Variants in NAV2 observed in about 807,000 individuals in gnomAD.
NAV2 encodes the protein neuron navigator 2.
In NAV2, 54 loss-of-function variants were observed where a neutral mutation model predicts 223.2. That is an observed-to-expected ratio of 0.24 (90% CI 0.19 to 0.30). The LOEUF (loss-of-function observed/expected upper bound fraction) is 0.30. Among genes scored for constraint, NAV2 ranks in the 10% least tolerant of loss-of-function variants. The pLI, the probability that NAV2 is intolerant of heterozygous loss-of-function variation, is 1.00. For missense variants in NAV2, 2,806 were observed against 3,147.5 expected, an observed-to-expected ratio of 0.89 and a Z score of 2.60; for synonymous variants, 1,279 against 1,239.3, an observed-to-expected ratio of 1.03 and a Z score of -0.67.
At chr11:19,527,294 A>G (rs538188777) in intron 1 of NAV2, among the ~76,000 whole-genome samples, 34 of 152,192 alleles carry the variant, frequency 2.2e-4, no homozygotes, top group African/African-American at 7.9e-4. Context: ...GCCATGTAAG[A>G]TGTACCTTTT....
chr11:19,841,193 A>G (rs1055781541), intron 2 of NAV2, among the ~76,000 whole-genome samples: 1 of 152,212 alleles, frequency 6.6e-6, no homozygotes, highest in African/African-American at 2.4e-5. Context: ...CAGGTTCTAA[A>G]AAAAAGGTGT....
At chr11:19,738,881 C>G (rs968509454) in intron 1 of NAV2, among the ~76,000 whole-genome samples, 1 of 152,174 alleles carries the variant, frequency 6.6e-6, no homozygotes, top group African/African-American at 2.4e-5. Flanking sequence ...CTTCTGTCCC[C>G]TGGTTCACGT....
In NAV2 at chr11:19,759,532, A is replaced by G. The variant is rs58191490; in HGVS notation, c.267+45570A>G. Among the ~76,000 whole-genome samples the G allele has an allele frequency of 4.5e-3, 679 of 152,262 alleles. 19 individuals are homozygous for G. In the East Asian group the frequency reaches 0.082, roughly 18 times the overall value. ...AAAAAAACAAAAACCAAACAAATGC[A>G]CTTTTCCTGTCTTAGTAAACAGAAT... is the stretch of plus-strand genomic sequence containing the variant. On this transcript the variant is annotated intron_variant, in intron 1 of 37. Transcript: ENST00000349880.
At position 19,663,001 on chromosome 11, in the gene NAV2, G is replaced by A. The variant is rs535188740; in HGVS notation, c.76-169483G>A. Among the ~76,000 whole-genome samples the A allele has an allele frequency of 6.6e-5, 10 of 152,272 alleles. No individual in the cohort carries two copies. The South Asian group carries it at 1.7e-3, about 25-fold the overall frequency. ...GTTTCAGTCAGTTCTTGATTGGGGA[G>A]TGGTAAGGATAAGCCATTTGCCTAG... On this transcript the variant is annotated intron_variant, in intron 1 of 37. Coordinates refer to the NAV2 transcript ENST00000360655.
chr11:19,718,688 T>G (rs766455249), intron 1 of NAV2, among the ~76,000 whole-genome samples: 7 of 151,804 alleles, frequency 4.6e-5, no homozygotes, highest in Middle Eastern at 3.2e-3. Context: ...TCTGCCAACA[T>G]GCAAGAATGT....
At position 20,085,172 on chromosome 11, in the gene NAV2, C is replaced by T. The variant is rs2153670999; in HGVS notation, c.5498+1993C>T. 2.0e-5 allele frequency among the ~76,000 whole-genome samples: 3 copies of T among 146,602 alleles called. No homozygotes were observed. The South Asian group carries it at 6.8e-4, about 33-fold the overall frequency. ...TCACCCTGTACTCCAGCCTGGGTGA[C>T]AGAGTAAGGCCATGTCTCTATTTAA... On this transcript the variant is annotated intron_variant, in intron 26 of 37. Coordinates refer to ENST00000349880, the MANE Select transcript of NAV2 (RefSeq NM_145117.5).
intron 1 of NAV2, among the ~76,000 whole-genome samples, chr11:19,406,353 A>C (rs1037159598): frequency 1.3e-5 from 2 of 152,192 alleles, no homozygotes; most frequent in Non-Finnish European, 2.9e-5. Flanking sequence ...GGACGTGGGA[A>C]GACTAAACAA....
At chr11:19,372,916 GTTTC>G (rs374481445) in intron 1 of NAV2, among the ~76,000 whole-genome samples, 57 of 152,274 alleles carry the variant, frequency 3.7e-4, no homozygotes, top group Non-Finnish European at 6.3e-4. Context: ...GGAGAATATT[GTTTC>G]TTTCTCCAGT....
chr11:20,020,859 G>T (rs551852319), intron 11 of NAV2, among the ~76,000 whole-genome samples: 1 of 152,046 alleles, frequency 6.6e-6, no homozygotes, highest in Non-Finnish European at 1.5e-5. Context: ...GGACTCTCTG[G>T]CCTGACCCCC....
At chr11:20,032,020 A>G (rs1034196050) in intron 11 of NAV2, among the ~76,000 whole-genome samples, 8 of 152,314 alleles carry the variant, frequency 5.3e-5, no homozygotes, top group African/African-American at 1.7e-4. Context: ...GCTCCTGATC[A>G]TTTGTACCCT....
intron 1 of NAV2, among the ~76,000 whole-genome samples, chr11:19,776,556 C>T (rs2056175233): frequency 7.2e-6 from 1 of 138,690 alleles, no homozygotes; most frequent in South Asian, 2.3e-4. Flanking sequence ...GCTGGGAACG[C>T]AGCGTGTGGG....
intron 1 of NAV2, among the ~76,000 whole-genome samples, chr11:19,685,421 C>G (rs893164261): frequency 6.6e-6 from 1 of 152,088 alleles, no homozygotes; most frequent in Non-Finnish European, 1.5e-5. Flanking sequence ...TGACCACACC[C>G]CCTTCCCAAT....
chr11:19,775,118 T>G (rs564085257), intron 1 of NAV2, among the ~76,000 whole-genome samples: 1 of 152,368 alleles, frequency 6.6e-6, no homozygotes, highest in African/African-American at 2.4e-5. Context: ...TGTGTTTTGC[T>G]CTCTTAGCCA....
At chr11:20,020,992 C>G (rs2054457982) in intron 11 of NAV2, among the ~76,000 whole-genome samples, 3 of 152,078 alleles carry the variant, frequency 2.0e-5, no homozygotes, top group Non-Finnish European at 4.4e-5. Flanking sequence ...GTCCCTTATC[C>G]CCAGGTATTC....
chr11:20,077,192 G>C (rs546844364), intron 22 of NAV2, among the ~76,000 whole-genome samples: 1 of 152,280 alleles, frequency 6.6e-6, no homozygotes, highest in African/African-American at 2.4e-5. Flanking sequence ...CAGAAGTACA[G>C]TTTGCTTGTG....
At chr11:19,741,687 GTATATA>G (rs1156844957) in intron 1 of NAV2, among the ~76,000 whole-genome samples, 633 of 20,962 alleles carry the variant, frequency 0.03, 10 homozygotes, top group African/African-American at 0.052. Context: ...GTGTGTGTGT[GTATATA>G]TATATATATA....
intron 6 of NAV2, among the ~76,000 whole-genome samples, chr11:19,925,368 C>T (rs1467779845): frequency 1.3e-5 from 2 of 152,132 alleles, no homozygotes; most frequent in African/African-American, 4.8e-5. Flanking sequence ...TGAGGTTTTG[C>T]CCTATGTTTT....
At chr11:19,493,113 C>T (rs1229140158) in intron 1 of NAV2, among the ~76,000 whole-genome samples, 1 of 152,154 alleles carries the variant, frequency 6.6e-6, no homozygotes, top group African/African-American at 2.4e-5. Flanking sequence ...ACACAGTGCC[C>T]AGCTCAGGTT....
At chr11:19,587,968 T>C (rs1227704830) in intron 1 of NAV2, among the ~76,000 whole-genome samples, 1 of 152,234 alleles carries the variant, frequency 6.6e-6, no homozygotes, top group African/African-American at 2.4e-5. Context: ...TTGGGTCTAG[T>C]ACCTGGTCAA....
Sources: gnomAD v4.1 joint callset for allele counts (sites outside exome capture counted in the v4.1 genomes callset) on GRCh38, gnomAD v4.1.1 for gene constraint, MANE v1.5 for transcripts, NCBI Gene and HGNC (gene_info 2026-07-23, HGNC 2026-07-21) for gene names.